OSBPL1A: variants seen among roughly 807,000 people sequenced by gnomAD.
The protein encoded by OSBPL1A is oxysterol-binding protein-related protein 1.
Under a neutral mutation model 137.1 loss-of-function variants are expected in OSBPL1A, and 80 were observed. The ratio of observed to expected loss-of-function variants is 0.58; its 90% CI spans 0.49 to 0.70. The LOEUF is 0.70. OSBPL1A is among the 30% of genes least tolerant of loss of function. The pLI, the probability that OSBPL1A is intolerant of heterozygous loss-of-function variation, is 0.00. For synonymous variants in OSBPL1A, 365 were observed against 389.7 expected, an observed-to-expected ratio of 0.94 and a Z score of 0.75; for missense variants, 970 against 1,129.4, an observed-to-expected ratio of 0.86 and a Z score of 2.02.
At chr18:24,321,603 A>T in intron 7 of OSBPL1A, 1 of 460,046 alleles carries the variant, frequency 2.2e-6, no homozygotes, top group Non-Finnish European at 4.4e-6. Context: ...GTGTATTTTC[A>T]ATTTACAATG....
At position 24,350,381 on chromosome 18, in the gene OSBPL1A, C is replaced by G. The variant is rs180941221; in HGVS notation, c.283-8723G>C. ...TTGCCACCTGCCCAAGACCACTTATCTAGACTTTTAGGTTACAGAGAAATA... is the reference window on the plus strand; with the variant it reads ...TTGCCACCTGCCCAAGACCACTTATGTAGACTTTTAGGTTACAGAGAAATA... On this transcript the variant is annotated intron_variant, in intron 4 of 27. Transcript: ENST00000319481. 5.3e-5 allele frequency among the ~76,000 whole-genome samples: 8 copies of G among 152,304 alleles called. 1 individual carries two copies. Among genetic ancestry groups the G allele is most frequent in the Admixed American group, 5.2e-4 (8 of 15,304 alleles).
chr18:24,204,232 C>A (rs1046958497), intron 17 of OSBPL1A, among the ~76,000 whole-genome samples: 1 of 152,176 alleles, frequency 6.6e-6, no homozygotes, highest in Non-Finnish European at 1.5e-5. Context: ...GGTTTTGGGT[C>A]TGACTGCGGT....
At chr18:24,243,211 C>T (rs369973659) in intron 15 of OSBPL1A, among the ~76,000 whole-genome samples, 6 of 152,084 alleles carry the variant, frequency 3.9e-5, no homozygotes, top group East Asian at 1.9e-4. Flanking sequence ...GAGCAACAGG[C>T]GAGATTCTGT....
At chr18:24,366,665 T>C (rs1213559478) in intron 4 of OSBPL1A, 1 of 386,062 alleles carries the variant, frequency 2.6e-6, no homozygotes, top group Non-Finnish European at 4.6e-6. Flanking sequence ...AGAAACGGAA[T>C]GATCTCCTCA....
chr18:24,252,509 C>A (rs1260304134), intron 15 of OSBPL1A, among the ~76,000 whole-genome samples: 1 of 46,372 alleles, frequency 2.2e-5, no homozygotes, highest in Non-Finnish European at 6.6e-5. Context: ...GAAATAAAGG[C>A]CTTCCCAGGA....
intron 17 of OSBPL1A, chr18:24,218,527 T>G (rs952525925): frequency 6.6e-6 from 1 of 152,410 alleles, no homozygotes; most frequent in Non-Finnish European, 1.5e-5. Flanking sequence ...CACTGCAACC[T>G]CTGCCTCCCA....
intron 15 of OSBPL1A, among the ~76,000 whole-genome samples, chr18:24,243,036 C>G (rs1046050019): frequency 2.0e-5 from 3 of 152,104 alleles, no homozygotes; most frequent in Admixed American, 1.3e-4. Flanking sequence ...TCGAGACCAG[C>G]CTGGCCAACA....
At chr18:24,364,425 C>T (rs2091672717) in intron 4 of OSBPL1A, among the ~76,000 whole-genome samples, 1 of 152,226 alleles carries the variant, frequency 6.6e-6, no homozygotes, top group African/African-American at 2.4e-5. Flanking sequence ...TACAGGCTCA[C>T]CACTAGGCTA....
At chr18:24,308,897 A>C (rs1163642727) in intron 13 of OSBPL1A, among the ~76,000 whole-genome samples, 1 of 152,038 alleles carries the variant, frequency 6.6e-6, no homozygotes, top group African/African-American at 2.4e-5. Context: ...CAGCCTCCAG[A>C]GTAGCTGGGA....
intron 3 of OSBPL1A, chr18:24,367,634 CCTTGT>C (rs1294158500): frequency 7.2e-6 from 1 of 139,298 alleles, no homozygotes; most frequent in African/African-American, 2.7e-5. Context: ...CAAAGTGAGG[CCTTGT>C]CTTGATTAAA....
At chr18:24,254,414 A>G (rs760497331) in intron 15 of OSBPL1A, among the ~76,000 whole-genome samples, 2 of 152,214 alleles carry the variant, frequency 1.3e-5, no homozygotes, top group African/African-American at 2.4e-5. Context: ...TCCTCAGTAC[A>G]TGTATCATTC....
At chr18:24,303,138 T>A (rs139220496) in intron 14 of OSBPL1A, among the ~76,000 whole-genome samples, 1 of 152,076 alleles carries the variant, frequency 6.6e-6, no homozygotes, top group Non-Finnish European at 1.5e-5. Flanking sequence ...GTAGCTGGGA[T>A]TACAAGCACG....
At chr18:24,172,102 G>A (rs769841845) in intron 22 of OSBPL1A, among the ~76,000 whole-genome samples, 5 of 152,004 alleles carry the variant, frequency 3.3e-5, no homozygotes, top group East Asian at 3.9e-4. Flanking sequence ...CACCGTGCCC[G>A]GCTAATTTTT....
intron 14 of OSBPL1A, among the ~76,000 whole-genome samples, chr18:24,292,374 A>T (rs537946238): frequency 6.6e-6 from 1 of 152,188 alleles, no homozygotes; most frequent in Non-Finnish European, 1.5e-5. Context: ...TCCCTATTTC[A>T]TGTCTCTAAA....
intron 18 of OSBPL1A, among the ~76,000 whole-genome samples, chr18:24,181,943 T>C (rs2086617169): frequency 6.6e-6 from 1 of 152,208 alleles, no homozygotes; most frequent in Non-Finnish European, 1.5e-5. Flanking sequence ...AGTCATGAAT[T>C]GCTGTCTGTT....
intron 9 of OSBPL1A, 34 bp from the exon 10 acceptor site, chr18:24,317,434 A>G: frequency 5.3e-6 from 8 of 1,508,780 alleles, no homozygotes; most frequent in Non-Finnish European, 7.4e-6. Flanking sequence ...TCCCAAGCTG[A>G]CACATCTAGA....
At chr18:24,223,796 T>C (rs1157047443) in intron 17 of OSBPL1A, among the ~76,000 whole-genome samples, 2 of 152,182 alleles carry the variant, frequency 1.3e-5, no homozygotes, top group African/African-American at 2.4e-5. Context: ...CTGATATTAA[T>C]AATACTGAAT....
chr18:24,169,037 G>A (rs1386484908), intron 24 of OSBPL1A, among the ~76,000 whole-genome samples: 2 of 152,170 alleles, frequency 1.3e-5, no homozygotes, highest in Non-Finnish European at 2.9e-5. Context: ...CAGAATCCTG[G>A]ACATGCCCTT....
intron 18 of OSBPL1A, among the ~76,000 whole-genome samples, chr18:24,186,167 C>T (rs548660405): frequency 2.3e-4 from 35 of 152,022 alleles, no homozygotes; most frequent in African/African-American, 7.7e-4. Context: ...ATATCATAGT[C>T]GCAGTCACAT....
Sources: gnomAD v4.1 joint callset for allele counts (sites outside exome capture counted in the v4.1 genomes callset) on GRCh38, gnomAD v4.1.1 for gene constraint, MANE v1.5 for transcripts, NCBI Gene and HGNC (gene_info 2026-07-23, HGNC 2026-07-21) for gene names.